MTHFS: variants seen among roughly 807,000 people sequenced by gnomAD.
The protein encoded by MTHFS is methenyltetrahydrofolate synthetase.
Under a neutral mutation model 12.7 loss-of-function variants are expected in MTHFS, and 7 were observed. The observed-to-expected ratio is 0.55, with a 90% confidence interval of 0.31 to 1.03. The LOEUF is 1.03. MTHFS is among the 50% of genes least tolerant of loss of function. The pLI is 0.05. For missense variants in MTHFS, 252 were observed against 258.1 expected, an observed-to-expected ratio of 0.98 and a Z score of 0.16; for synonymous variants, 100 against 97.1, an observed-to-expected ratio of 1.03 and a Z score of -0.18.
chr15:79,894,316 G>C (rs2034527559), intron 1 of MTHFS, among the ~76,000 whole-genome samples: 1 of 152,170 alleles, frequency 6.6e-6, no homozygotes, highest in South Asian at 2.1e-4. Context: ...GGGAGGCAGA[G>C]GTTGCAGTGA....
At chr15:79,896,781 C>T (rs1364701354) in intron 1 of MTHFS, 91 bp downstream of exon 1, 5 of 1,502,764 alleles carry the variant, frequency 3.3e-6, no homozygotes, top group South Asian at 1.2e-5. Flanking sequence ...AGCCCAGCGC[C>T]AGCACGGACC....
chr15:79,858,015 C>CAAAAAAAAAA (rs71453466), intron 2 of MTHFS, among the ~76,000 whole-genome samples: 15 of 59,426 alleles, frequency 2.5e-4, no homozygotes, highest in African/African-American at 3.2e-4. Context: ...GACTCCATCT[C>CAAAAAAAAAA]AAAAAAAAAA....
At chr15:79,858,949 A>G (rs1380489648) in intron 2 of MTHFS, among the ~76,000 whole-genome samples, 1 of 152,248 alleles carries the variant, frequency 6.6e-6, no homozygotes, top group African/African-American at 2.4e-5. Flanking sequence ...AACACAATGG[A>G]CAAATTTCTA....
At chr15:79,876,890 A>G (rs2034207350) in intron 2 of MTHFS, 1 of 151,806 alleles carries the variant, frequency 6.6e-6, no homozygotes, top group African/African-American at 2.4e-5. Flanking sequence ...TAAAAATACA[A>G]AAATTAGCTG....
At chr15:79,851,286 A>C (rs891962354) in intron 2 of MTHFS, among the ~76,000 whole-genome samples, 2 of 152,170 alleles carry the variant, frequency 1.3e-5, no homozygotes, top group Admixed American at 6.5e-5. Context: ...AAGTAGTAGG[A>C]ATCCTTCTCC....
rs2034425074 is a variant in MTHFS at position 79,888,837 on chromosome 15, C to T, written c.379+256G>A. Reference sequence around the variant, plus strand: ...ACTGAAACCACAGGAAATAATTATTCAGGAAAAATATATAATTCAACCCAC... The same window carrying T: ...ACTGAAACCACAGGAAATAATTATTTAGGAAAAATATATAATTCAACCCAC... On this transcript the variant is annotated intron_variant, in intron 2 of 2. Coordinates refer to ENST00000258874, the MANE Select transcript of MTHFS (RefSeq NM_006441.4). Among the ~76,000 whole-genome samples the T allele has an allele frequency of 1.3e-5, 2 of 152,118 alleles. 1 individual carries two copies.
Position 79,893,446 on chromosome 15 carries a change from C to T in MTHFS, c.117+3426G>A, listed in dbSNP as rs1320430295. 2.6e-5 allele frequency among the ~76,000 whole-genome samples: 4 copies of T among 151,950 alleles called. No individual in the cohort carries two copies. The East Asian group carries it at 7.7e-4, about 29-fold the overall frequency. ...AGGCGCGGTGGCTCACGCCTGTAATCCCAGTACTTTGGGAGGCCGAGGCAG... is the reference window on the plus strand; with the variant it reads ...AGGCGCGGTGGCTCACGCCTGTAATTCCAGTACTTTGGGAGGCCGAGGCAG... On this transcript the variant is annotated intron_variant, in intron 1 of 2. Coordinates refer to ENST00000258874, the MANE Select transcript of MTHFS (RefSeq NM_006441.4).
At chr15:79,869,095 G>T (rs778424078) in intron 2 of MTHFS, among the ~76,000 whole-genome samples, 18 of 152,140 alleles carry the variant, frequency 1.2e-4, no homozygotes, top group Admixed American at 3.9e-4. Context: ...ATGTATTTAT[G>T]CCACCAGCAT....
chr15:79,845,389 G>T lies in MTHFS; in HGVS notation c.433C>A (p.Arg145=). 1 of 1,614,080 alleles carries T rather than the reference G, an allele frequency of 6.2e-7. No individual in the cohort carries two copies. Among genetic ancestry groups the T allele is most frequent in the Non-Finnish European group, 8.5e-7 (1 of 1,180,016 alleles). ...PGLGFDKHGN[R]LGRGKGYYDA... ...TAGTAGCCCTTGCCCCTCCCCAGTCGGTTGCCATGTTTGTCAAACCCAAGG... is the reference window on the plus strand; with the variant it reads ...TAGTAGCCCTTGCCCCTCCCCAGTCTGTTGCCATGTTTGTCAAACCCAAGG... Residue 145 remains arginine, a synonymous_variant, in exon 3 of 3, where the codon CGA becomes AGA. Coordinates refer to ENST00000258874, the MANE Select transcript of MTHFS (RefSeq NM_006441.4).
At chr15:79,867,595 A>T (rs1039317368) in intron 2 of MTHFS, among the ~76,000 whole-genome samples, 3 of 152,036 alleles carry the variant, frequency 2.0e-5, no homozygotes, top group Non-Finnish European at 4.4e-5. Flanking sequence ...AATAGAAAAA[A>T]ATGTAATGAT....
chr15:79,894,852 C>T (rs1381542203), intron 1 of MTHFS, among the ~76,000 whole-genome samples: 1 of 152,064 alleles, frequency 6.6e-6, no homozygotes, highest in Non-Finnish European at 1.5e-5. Context: ...CCATTTGCCT[C>T]CTTTCCCCTC....
Position 79,880,013 on chromosome 15 carries a change from C to T in MTHFS, c.379+9080G>A, listed in dbSNP as rs555418746. On this transcript the variant is annotated intron_variant, in intron 2 of 2. Coordinates refer to ENST00000258874, the MANE Select transcript of MTHFS (RefSeq NM_006441.4). ...GATATTTTTTGTTTCTGTTCAATTTCCATCTCATGATTTGCTGCCTACTTC... is the reference window on the plus strand; with the variant it reads ...GATATTTTTTGTTTCTGTTCAATTTTCATCTCATGATTTGCTGCCTACTTC... Among the ~76,000 whole-genome samples, 9 of 152,282 alleles carry T rather than the reference C, an allele frequency of 5.9e-5. No individual in the cohort carries two copies. In the East Asian group the frequency reaches 1.7e-3, roughly 29 times the overall value.
intron 2 of MTHFS, among the ~76,000 whole-genome samples, chr15:79,855,008 T>C (rs2033775279): frequency 1.3e-5 from 2 of 152,180 alleles, no homozygotes; most frequent in South Asian, 4.1e-4. Flanking sequence ...ATTTTGTACA[T>C]AAAGTTTCAA....
At chr15:79,856,359 GTGTT>G (rs1001192840) in intron 2 of MTHFS, among the ~76,000 whole-genome samples, 1 of 152,074 alleles carries the variant, frequency 6.6e-6, no homozygotes, top group Non-Finnish European at 1.5e-5. Flanking sequence ...CTTTTTTAAT[GTGTT>G]TGTTTTCTTC....
At chr15:79,848,631 T>C (rs946645897) in intron 2 of MTHFS, among the ~76,000 whole-genome samples, 2 of 152,222 alleles carry the variant, frequency 1.3e-5, no homozygotes, top group African/African-American at 4.8e-5. Flanking sequence ...ATTTAGGTAG[T>C]TGGAGGAAAA....
chr15:79,863,241 A>C (rs1439021293), intron 2 of MTHFS, among the ~76,000 whole-genome samples: 1 of 152,200 alleles, frequency 6.6e-6, no homozygotes, highest in Non-Finnish European at 1.5e-5. Context: ...CAGATTCCCA[A>C]GGGATGGTCC....
At chr15:79,870,132 A>G (rs1359154042) in intron 2 of MTHFS, among the ~76,000 whole-genome samples, 1 of 152,262 alleles carries the variant, frequency 6.6e-6, no homozygotes, top group African/African-American at 2.4e-5. Context: ...AAGCAATGAA[A>G]AAACAAGTTT....
At chr15:79,874,717 C>T (rs771490632) in intron 2 of MTHFS, among the ~76,000 whole-genome samples, 13 of 152,054 alleles carry the variant, frequency 8.5e-5, no homozygotes, top group Non-Finnish European at 1.3e-4. Flanking sequence ...TGAAAAGCTC[C>T]GACATATTCC....
chr15:79,894,381 G>A (rs1027136073), intron 1 of MTHFS, among the ~76,000 whole-genome samples: 2 of 150,422 alleles, frequency 1.3e-5, no homozygotes, highest in African/African-American at 4.9e-5. Context: ...ACTCTGTCTT[G>A]AAAAAAAAAG....
Sources: allele counts gnomAD v4.1 joint callset (sites outside exome capture counted in the v4.1 genomes callset), GRCh38; gene constraint gnomAD v4.1.1; transcripts MANE v1.5; gene names NCBI Gene and HGNC (gene_info 2026-07-23, HGNC 2026-07-21).